TMEM132B: variants seen among roughly 807,000 people sequenced by gnomAD.
TMEM132B encodes transmembrane protein 132B.
Under a neutral mutation model 90.8 loss-of-function variants are expected in TMEM132B, and 18 were observed. The observed-to-expected ratio is 0.20, with a 90% CI of 0.14 to 0.29. The LOEUF (loss-of-function observed/expected upper bound fraction) is 0.29. Ranked by LOEUF, TMEM132B falls within the 10% of genes least tolerant of loss-of-function variation. TMEM132B has a pLI of 1.00. For synonymous variants in TMEM132B, 504 were observed against 523.3 expected (o/e 0.96, Z 0.50); for missense variants, 1,096 against 1,326.8 (o/e 0.83, Z 2.70).
At chr12:125,507,039 C>T (rs1592961920) in intron 3 of TMEM132B, among the ~76,000 whole-genome samples, 1 of 152,174 alleles carries the variant, frequency 6.6e-6, no homozygotes. Context: ...TCCTCATGCT[C>T]CTATGGAAGG....
intron 1 of TMEM132B, among the ~76,000 whole-genome samples, chr12:125,309,494 C>A (rs537108751): frequency 6.6e-6 from 1 of 152,100 alleles, no homozygotes; most frequent in Admixed American, 6.5e-5. Context: ...TTTCTGAGCA[C>A]CTACTATGTG....
chr12:125,486,224 T>C (rs1005994885), intron 3 of TMEM132B, among the ~76,000 whole-genome samples: 1 of 152,218 alleles, frequency 6.6e-6, no homozygotes, highest in African/African-American at 2.4e-5. Context: ...AGGGCATGGG[T>C]ATAAAGGCTG....
intron 1 of TMEM132B, among the ~76,000 whole-genome samples, chr12:125,268,286 A>T (rs1874743124): frequency 6.6e-6 from 1 of 152,164 alleles, no homozygotes; most frequent in Non-Finnish European, 1.5e-5. Context: ...ACAAATGCAC[A>T]CACTTTGACT....
chr12:125,334,235 C>T (rs368950187), intron 1 of TMEM132B, among the ~76,000 whole-genome samples: 12 of 152,214 alleles, frequency 7.9e-5, no homozygotes, highest in East Asian at 3.9e-4. Flanking sequence ...CAGAATCGTC[C>T]GTTACTCAAT....
In TMEM132B at chr12:125,505,754, A is replaced by C. The variant is rs79824975; in HGVS notation, c.1107-13685A>C. Among the ~76,000 whole-genome samples, 15 of 152,270 alleles carry C rather than the reference A, an allele frequency of 9.9e-5. No individual in the cohort carries two copies. In the East Asian group the frequency reaches 2.7e-3, roughly 27 times the overall value. The stretch of plus-strand genomic sequence containing the variant: ...TTACCAGAGGATTGGAGATGATGGA[A>C]GAAAGAGTCAGTGAACTTTAAGACA... On this transcript the variant is annotated intron_variant, in intron 3 of 8. Transcript: ENST00000682704.
At chr12:125,505,488 C>T (rs1882823001) in intron 3 of TMEM132B, among the ~76,000 whole-genome samples, 1 of 151,938 alleles carries the variant, frequency 6.6e-6, no homozygotes, top group Admixed American at 6.6e-5. Context: ...CACTTGAGGT[C>T]AGGAGTTTGA....
At chr12:125,519,123 C>T (rs540437681) in intron 3 of TMEM132B, among the ~76,000 whole-genome samples, 100 of 152,240 alleles carry the variant, frequency 6.6e-4, no homozygotes, top group African/African-American at 2.2e-3. Flanking sequence ...CTGTGGCATG[C>T]CCGTGCCTGG....
intron 1 of TMEM132B, among the ~76,000 whole-genome samples, chr12:125,234,196 T>A (rs1433089216): frequency 6.6e-6 from 1 of 152,152 alleles, no homozygotes. Flanking sequence ...GTGATGAAGT[T>A]CATAGTTTTT....
intron 3 of TMEM132B, among the ~76,000 whole-genome samples, chr12:125,485,762 C>G (rs1882185384): frequency 6.6e-6 from 1 of 152,158 alleles, no homozygotes; most frequent in Non-Finnish European, 1.5e-5. Flanking sequence ...ATGGGTTAGG[C>G]AGGATGGACT....
intron 3 of TMEM132B, among the ~76,000 whole-genome samples, chr12:125,418,155 T>C (rs1227095576): frequency 6.6e-6 from 1 of 152,272 alleles, no homozygotes; most frequent in East Asian, 1.9e-4. Context: ...ATTTTGTTGA[T>C]ATATTTGACT....
intron 1 of TMEM132B, among the ~76,000 whole-genome samples, chr12:125,191,722 G>A (rs1183817074): frequency 6.6e-6 from 1 of 152,168 alleles, no homozygotes; most frequent in Non-Finnish European, 1.5e-5. Flanking sequence ...TAGGCAACTG[G>A]GAGTCCTTTC....
intron 1 of TMEM132B, among the ~76,000 whole-genome samples, chr12:125,211,745 T>G (rs1484744216): frequency 6.6e-6 from 1 of 152,242 alleles, no homozygotes; most frequent in Non-Finnish European, 1.5e-5. Context: ...AATAAATGCC[T>G]TCTCTTCCTG....
intron 1 of TMEM132B, among the ~76,000 whole-genome samples, chr12:125,258,100 G>C (rs551734963): frequency 6.6e-6 from 1 of 152,298 alleles, no homozygotes; most frequent in South Asian, 2.1e-4. Flanking sequence ...AATATTTACA[G>C]GGAGCCTCTT....
chr12:125,586,660 C>T (rs969792), intron 5 of TMEM132B: 90,467 of 152,108 alleles, frequency 0.59, 28,549 homozygotes, highest in Middle Eastern at 0.75. Context: ...TACCACCCAC[C>T]TCTGAGTCAT....
intron 1 of TMEM132B, among the ~76,000 whole-genome samples, chr12:125,299,286 C>T (rs1378378071): frequency 6.6e-6 from 1 of 152,190 alleles, no homozygotes; most frequent in Non-Finnish European, 1.5e-5. Context: ...CTTTCTCCCT[C>T]CCTCCTGGAT....
chr12:125,429,059 AGC>A (rs1290914179), intron 3 of TMEM132B, among the ~76,000 whole-genome samples: 2 of 152,156 alleles, frequency 1.3e-5, no homozygotes, highest in Admixed American at 6.5e-5. Flanking sequence ...TTCTTGTATT[AGC>A]TTCCCACTCA....
At chr12:125,371,188 G>A (rs976692844) in intron 2 of TMEM132B, among the ~76,000 whole-genome samples, 3 of 152,208 alleles carry the variant, frequency 2.0e-5, no homozygotes, top group African/African-American at 4.8e-5. Flanking sequence ...CCTTCTGCAT[G>A]CTTTCTCTAG....
At chr12:125,481,942 A>G (rs1276831227) in intron 3 of TMEM132B, among the ~76,000 whole-genome samples, 3 of 152,208 alleles carry the variant, frequency 2.0e-5, no homozygotes, top group African/African-American at 4.8e-5. Context: ...CCTCAGAAAT[A>G]ACACCGCACA....
chr12:125,562,225 C>G (rs780656189), intron 4 of TMEM132B, among the ~76,000 whole-genome samples: 14 of 152,184 alleles, frequency 9.2e-5, no homozygotes, highest in Admixed American at 3.9e-4. Flanking sequence ...CCTCACCTCT[C>G]TAAGCTGTCA....
Sources: gnomAD v4.1 joint callset for allele counts (sites outside exome capture counted in the v4.1 genomes callset) on GRCh38, gnomAD v4.1.1 for gene constraint, MANE v1.5 for transcripts, NCBI Gene and HGNC (gene_info 2026-07-23, HGNC 2026-07-21) for gene names.